NBN: variants seen among roughly 807,000 people sequenced by gnomAD.
NBN encodes Nijmegen breakage syndrome 1 (nibrin).
In NBN, 88 loss-of-function variants were observed where a neutral mutation model predicts 90.8. The observed-to-expected ratio is 0.97, with a 90% CI of 0.82 to 1.16. The LOEUF (loss-of-function observed/expected upper bound fraction) is 1.16, where lower values mean the gene tolerates loss of function less well. NBN is among the 50% of genes most tolerant of loss of function. The pLI is 0.00. For missense variants in NBN, 894 were observed against 869.6 expected (o/e 1.03, Z -0.35); for synonymous variants, 328 against 295.1 (o/e 1.11, Z -1.14).
rs576780457 is a variant in NBN, at chr8:89,964,588, C to A, written c.897-81G>T. 5 of 1,383,186 alleles carry A rather than the reference C, an allele frequency of 3.6e-6. No individual in the cohort carries two copies. The East Asian group carries it at 9.9e-5, about 27-fold the overall frequency. 85.7% of individuals were successfully genotyped at this position (1,383,186 alleles called of 1,614,324 possible). ...TCAGATAATGTCAAGATAAAGCAACCTCTTTTTTTTCCTCCCAAATAATTT... is the reference window on the plus strand; with the variant it reads ...TCAGATAATGTCAAGATAAAGCAACATCTTTTTTTTCCTCCCAAATAATTT... On this transcript the variant is annotated intron_variant, in intron 7 of 15. Coordinates refer to ENST00000265433, the MANE Select transcript of NBN (RefSeq NM_002485.5).
intron 11 of NBN, among the ~76,000 whole-genome samples, chr8:89,949,344 C>G (rs2129670572): frequency 1.3e-5 from 2 of 152,294 alleles, no homozygotes; most frequent in South Asian, 4.1e-4. Flanking sequence ...GTAGCTATTA[C>G]TACAGGGTAC....
intron 5 of NBN, among the ~76,000 whole-genome samples, chr8:89,974,608 G>A (rs1209176982): frequency 6.6e-6 from 1 of 152,150 alleles, no homozygotes. Flanking sequence ...CTCTGACCAA[G>A]TCCCATAGGG....
At chr8:89,962,484 C>G (rs1811036430) in intron 8 of NBN, among the ~76,000 whole-genome samples, 2 of 152,274 alleles carry the variant, frequency 1.3e-5, no homozygotes, top group Middle Eastern at 3.4e-3. Context: ...GAGCATATTT[C>G]TAGTAGACAA....
chr8:89,948,031 C>A, intron 11 of NBN, 139 bp from the exon 12 acceptor site: 2 of 520,858 alleles, frequency 3.8e-6, no homozygotes, highest in South Asian at 6.0e-5. Flanking sequence ...TTATGTATGA[C>A]CAGGCATTTG....
intron 7 of NBN, among the ~76,000 whole-genome samples, chr8:89,968,025 A>C (rs1317272768): frequency 3.3e-5 from 5 of 152,208 alleles, no homozygotes; most frequent in African/African-American, 1.2e-4. Flanking sequence ...TGGGAGGCTG[A>C]GGCAGGCAGA....
Position 89,978,360 on chromosome 8 carries a change from A to G in NBN, c.481-37T>C, listed in dbSNP as rs965693612. 3 of 1,545,782 alleles carry G rather than the reference A, an allele frequency of 1.9e-6. No homozygotes were observed. In the African/African-American group the frequency reaches 4.1e-5, roughly 21 times the overall value. On this transcript the variant is annotated intron_variant, in intron 4 of 15. Transcript: ENST00000265433. ...AAAACATGTGAATATATATATTCAC[A>G]TGCTAGCATTTTTTAAAGAAAAGTT...
chr8:89,950,927 G>A (rs1810416327), intron 11 of NBN, among the ~76,000 whole-genome samples: 2 of 152,048 alleles, frequency 1.3e-5, no homozygotes, highest in East Asian at 1.9e-4. Flanking sequence ...TCCAGGATGA[G>A]CCAAGGAGGG....
chr8:89,948,865 T>C (rs1810317787), intron 11 of NBN, among the ~76,000 whole-genome samples: 1 of 152,188 alleles, frequency 6.6e-6, no homozygotes, highest in Admixed American at 6.5e-5. Flanking sequence ...TCCTTTTATG[T>C]ACCTTCTCCC....
At position 89,972,967 on chromosome 8, in the gene NBN, A is replaced by G. The variant is rs1268857253; in HGVS notation, c.585-1677T>C. Among the ~76,000 whole-genome samples, 4 of 152,244 alleles carry G rather than the reference A, an allele frequency of 2.6e-5. No homozygotes were observed. In the East Asian group the frequency reaches 5.8e-4, roughly 22 times the overall value. ...ACTGTCATTCTTAATTATGCCATAG[A>G]TAACAGTTTACAGTAGCCAGGGAGC... On this transcript the variant is annotated intron_variant, in intron 5 of 15. Transcript: ENST00000265433.
At chr8:89,976,756 T>G (rs1475240784) in intron 5 of NBN, among the ~76,000 whole-genome samples, 1 of 152,158 alleles carries the variant, frequency 6.6e-6, no homozygotes, top group African/African-American at 2.4e-5. Flanking sequence ...ACCTGGCACA[T>G]ACTGAGGGGT....
In NBN at chr8:89,935,698, C is replaced by G. The variant is rs1016691152; in HGVS notation, c.2235-86G>C. 1.3e-5 allele frequency: 19 copies of G among 1,519,380 alleles called. No homozygotes were observed. In the African/African-American group the frequency reaches 1.5e-4, roughly 12 times the overall value. 94.1% of individuals were successfully genotyped at this position (1,519,380 alleles called of 1,614,324 possible). On this transcript the variant is annotated intron_variant, in intron 15 of 15. Transcript: ENST00000265433. ...GTAAAGAACTTTCAAACTGTAGTCA[C>G]ACTTTGGCAAATAGGATGGGAATGA...
At chr8:89,975,780 C>G (rs900612701) in intron 5 of NBN, among the ~76,000 whole-genome samples, 1 of 152,148 alleles carries the variant, frequency 6.6e-6, no homozygotes, top group African/African-American at 2.4e-5. Context: ...ACTCCAAGAC[C>G]ATGAAATATA....
rs1563531531 is a variant in NBN, at chr8:89,955,391, T to C, written c.1289A>G (p.Gln430Arg). Reference sequence around the variant, plus strand: ...ACTTGGCAATTTAGTTGGTGAAAGCTGATAGTTTGGGATTCTCATCTTAGC... The same window carrying C: ...ACTTGGCAATTTAGTTGGTGAAAGCCGATAGTTTGGGATTCTCATCTTAGC... ...TLAKMRIPNY[Q>R]LSPTKLPSIN... The change falls in exon 10 of 16, where the codon CAG (glutamine) becomes CGG (arginine). Residue 430 changes from glutamine to arginine, a missense_variant. Physicochemically the swap from Gln to Arg is conservative, Grantham distance 43. Coordinates refer to ENST00000265433, the MANE Select transcript of NBN (RefSeq NM_002485.5). 6.2e-7 allele frequency: 1 copy of C among 1,613,888 alleles called. No homozygotes were observed. The highest frequency in any genetic ancestry group is 1.1e-5 in the South Asian group (1 of 91,074).
At chr8:89,948,910 C>T (rs11782136) in intron 11 of NBN, among the ~76,000 whole-genome samples, 1 of 152,164 alleles carries the variant, frequency 6.6e-6, no homozygotes, top group Non-Finnish European at 1.5e-5. Flanking sequence ...TGCTCTTCCT[C>T]TTGAGCAAGT....
At chr8:89,980,176 C>T (rs993150045) in intron 4 of NBN, among the ~76,000 whole-genome samples, 12 of 152,232 alleles carry the variant, frequency 7.9e-5, no homozygotes, top group Admixed American at 1.3e-4. Flanking sequence ...CCTTTCTCCA[C>T]GATAACTCTT....
chr8:89,939,014 A>AT (rs1186976058), intron 14 of NBN, among the ~76,000 whole-genome samples: 5 of 152,200 alleles, frequency 3.3e-5, no homozygotes, highest in African/African-American at 1.2e-4. Flanking sequence ...TATTACTGGC[A>AT]TTTTTCAGAG....
chr8:89,944,460 G>A (rs541613408), intron 13 of NBN, among the ~76,000 whole-genome samples: 4 of 152,180 alleles, frequency 2.6e-5, no homozygotes, highest in South Asian at 4.1e-4. Flanking sequence ...AGGACAATCC[G>A]CCACAGTGTG....
At chr8:89,941,419 C>T (rs1809944678) in intron 14 of NBN, among the ~76,000 whole-genome samples, 1 of 152,078 alleles carries the variant, frequency 6.6e-6, no homozygotes, top group African/African-American at 2.4e-5. Context: ...TGTAGCGAGC[C>T]AACAAATAAT....
chr8:89,971,205 C>T lies in NBN; in HGVS notation c.670G>A (p.Gly224Arg), dbSNP rs1563561588. The change falls in exon 6 of 16, where the codon GGG becomes AGG. Residue 224 changes from glycine to arginine, a missense_variant. Physicochemically the swap from Gly to Arg is moderately radical, Grantham distance 125 (BLOSUM62 -2). Coordinates refer to ENST00000265433, the MANE Select transcript of NBN (RefSeq NM_002485.5). ...GCATTCAAAAATATAAATGTTTTCC[C>T]TTTGAAGATTTGTTTTCTTTCCTGC... The part of the protein sequence containing the change: ...GRQERKQIFK[G>R]KTFIFLNAKQ... 6.2e-7 allele frequency: 1 copy of T among 1,612,996 alleles called. No homozygotes were observed. Among genetic ancestry groups the T allele is most frequent in the South Asian group, 1.1e-5 (1 of 91,032 alleles).
Sources: allele counts gnomAD v4.1 joint callset (sites outside exome capture counted in the v4.1 genomes callset), GRCh38; gene constraint gnomAD v4.1.1; transcripts MANE v1.5; gene names NCBI Gene and HGNC (gene_info 2026-07-23, HGNC 2026-07-21).